Variants in ETV1 observed in about 807,000 individuals in gnomAD.
ETV1 encodes ETS variant transcription factor 1, also known as ETS translocation variant 1.
A neutral mutation model predicts 62.3 loss-of-function variants in ETV1; 27 were observed. The observed-to-expected ratio is 0.43, with a 90% confidence interval of 0.32 to 0.60. The LOEUF (loss-of-function observed/expected upper bound fraction) is 0.60. Among genes scored for constraint, ETV1 ranks in the 20% least tolerant of loss-of-function variants. The pLI, the probability that ETV1 is intolerant of heterozygous loss-of-function variation, is 0.06. For synonymous variants in ETV1, 222 were observed against 199.6 expected, an observed-to-expected ratio of 1.11 and a Z score of -0.94; for missense variants, 605 against 605.8, an observed-to-expected ratio of 1.00 and a Z score of 0.01.
Position 13,931,754 on chromosome 7 carries a change from G to T in ETV1, c.555-5C>A. 1 of 1,612,888 alleles carries T rather than the reference G, an allele frequency of 6.2e-7. No individual in the cohort carries two copies. Among genetic ancestry groups the T allele is most frequent in the South Asian group, 1.1e-5 (1 of 91,052 alleles). ...TCAGAAAGCTGGCGGCGAAATCTAGGGAATAAGAGAGTGTGTTTCAGATGA... is the reference window on the plus strand; with the variant it reads ...TCAGAAAGCTGGCGGCGAAATCTAGTGAATAAGAGAGTGTGTTTCAGATGA... On this transcript the variant is annotated splice_region_variant and splice_polypyrimidine_tract_variant and intron_variant, in intron 8 of 13. Coordinates refer to ENST00000430479, the MANE Select transcript of ETV1 (RefSeq NM_004956.5).
At position 13,931,614 on chromosome 7, in the gene ETV1, C is replaced by G. The variant is rs370376322; in HGVS notation, c.690G>C (p.Glu230Asp). ...IPFPPQGFKQ[E>D]YHDPVYEHNT... ...TGTGTTCATACACTGGGTCGTGGTA[C>G]TCCTGCTTAAAGCCTTGTGGTGGGA... The change falls in exon 9 of 14, where the codon GAG (glutamate) becomes GAC (aspartate). Residue 230 changes from glutamate to aspartate, a missense_variant. Coordinates refer to ENST00000430479, the MANE Select transcript of ETV1 (RefSeq NM_004956.5). The G allele has an allele frequency of 6.2e-7, 1 of 1,614,044 alleles. No individual in the cohort carries two copies. The highest frequency in any genetic ancestry group is 8.5e-7 in the Non-Finnish European group (1 of 1,179,902).
chr7:13,948,886 T>C (rs1428057094), intron 6 of ETV1, among the ~76,000 whole-genome samples: 1 of 152,188 alleles, frequency 6.6e-6, no homozygotes, highest in Non-Finnish European at 1.5e-5. Flanking sequence ...TGGTTTACTC[T>C]GTCTCTCAAA....
chr7:13,932,689 A>C (rs542672578), intron 8 of ETV1, among the ~76,000 whole-genome samples: 1 of 152,328 alleles, frequency 6.6e-6, no homozygotes, highest in African/African-American at 2.4e-5. Context: ...CACCACAAAG[A>C]TGTGGATTAA....
intron 7 of ETV1, 137 bp downstream of exon 7, chr7:13,938,980 G>T: frequency 1.3e-6 from 1 of 793,448 alleles, no homozygotes; most frequent in Non-Finnish European, 2.0e-6. Context: ...TTAGAGTTCT[G>T]CTAAATGCAT....
rs755455527 is a variant in ETV1 at position 13,905,733 on chromosome 7, AT to A, written c.1110+696del. 6.1e-4 allele frequency among the ~76,000 whole-genome samples: 93 copies of A among 152,146 alleles called. 1 individual carries two copies. The highest frequency in any genetic ancestry group is 3.5e-4 in the Non-Finnish European group (24 of 67,994). On this transcript the variant is annotated intron_variant, in intron 12 of 13. Transcript: ENST00000430479. ...TATTATCTCTGTCCAGGCTCTTCTT[AT>A]TTTAGTAATTTTTTATGTGCTATGG...
At chr7:13,918,961 T>C (rs184396060) in intron 9 of ETV1, among the ~76,000 whole-genome samples, 16 of 152,204 alleles carry the variant, frequency 1.1e-4, no homozygotes, top group East Asian at 3.9e-4. Context: ...GTCTCTCTTA[T>C]TTTATCTTAT....
At chr7:13,908,075 A>T (rs1160714479) in intron 11 of ETV1, among the ~76,000 whole-genome samples, 1 of 152,104 alleles carries the variant, frequency 6.6e-6, no homozygotes, top group Non-Finnish European at 1.5e-5. Context: ...TAGTCTCTAT[A>T]TTGCTTCTGC....
chr7:13,967,315 T>C (rs368867934), intron 6 of ETV1, among the ~76,000 whole-genome samples: 51 of 152,198 alleles, frequency 3.4e-4, no homozygotes, highest in African/African-American at 1.2e-3. Context: ...CTCTGAATAG[T>C]TTAATAATGT....
intron 13 of ETV1, 40 bp from the exon 14 acceptor site, chr7:13,896,127 C>T (rs542275630): frequency 5.4e-5 from 83 of 1,535,312 alleles, no homozygotes; most frequent in Non-Finnish European, 7.1e-5. Flanking sequence ...TCCTCACCAT[C>T]GCCAGATGGG....
At chr7:13,910,758 T>C (rs1401797432) in intron 10 of ETV1, among the ~76,000 whole-genome samples, 2 of 152,214 alleles carry the variant, frequency 1.3e-5, no homozygotes, top group Non-Finnish European at 2.9e-5. Context: ...AGCCTGTCTA[T>C]GAGAAAACTC....
chr7:13,951,242 A>G (rs1788788133), intron 6 of ETV1, among the ~76,000 whole-genome samples: 1 of 152,208 alleles, frequency 6.6e-6, no homozygotes, highest in South Asian at 2.1e-4. Context: ...AAAAATAAAT[A>G]TTATAAAACT....
chr7:13,955,229 T>G (rs1470115383), intron 6 of ETV1, among the ~76,000 whole-genome samples: 1 of 152,176 alleles, frequency 6.6e-6, no homozygotes. Context: ...GGAGTTTCCA[T>G]GAGGAACTGC....
chr7:13,971,552 T>C (rs1218065811), intron 6 of ETV1, among the ~76,000 whole-genome samples: 1 of 152,188 alleles, frequency 6.6e-6, no homozygotes, highest in Non-Finnish European at 1.5e-5. Context: ...TGCATTCCAG[T>C]GTGTTTTACT....
chr7:13,899,030 A>G (rs1782128052), intron 13 of ETV1, among the ~76,000 whole-genome samples: 1 of 152,216 alleles, frequency 6.6e-6, no homozygotes, highest in Non-Finnish European at 1.5e-5. Flanking sequence ...GAATATCACC[A>G]TTTACTAGGA....
chr7:13,906,637 T>A, intron 11 of ETV1, 38 bp from the exon 12 acceptor site: 2 of 1,447,494 alleles, frequency 1.4e-6, no homozygotes, highest in Non-Finnish European at 1.9e-6. Context: ...TTATTAGCAA[T>A]ACTATGCTAT....
intron 5 of ETV1, among the ~76,000 whole-genome samples, chr7:13,984,298 G>A (rs982926566): frequency 6.6e-5 from 10 of 151,920 alleles, no homozygotes; most frequent in African/African-American, 2.4e-4. Flanking sequence ...AACGGTTCAT[G>A]GTCTGCCAAT....
rs2128450730 is a variant in ETV1 at position 13,931,689 on chromosome 7, C to T, written c.615G>A (p.Arg205=). 2 of 1,613,716 alleles carry T rather than the reference C, an allele frequency of 1.2e-6. No individual in the cohort carries two copies. Among genetic ancestry groups the T allele is most frequent in the Non-Finnish European group, 1.7e-6 (2 of 1,179,760 alleles). Residue 205 remains arginine, a synonymous_variant, in exon 9 of 14, where the codon AGG becomes AGA. Coordinates refer to ENST00000430479, the MANE Select transcript of ETV1 (RefSeq NM_004956.5). Reference sequence around the variant, plus strand: ...GGCGTTGGTACATAGGACGTCCTTCCCTTGGCATCGTCGGCAAAGGAGGAA... The same window carrying T: ...GGCGTTGGTACATAGGACGTCCTTCTCTTGGCATCGTCGGCAAAGGAGGAA... The part of the protein sequence containing the change: ...NSFPPLPTMP[R]EGRPMYQRQM...
intron 6 of ETV1, among the ~76,000 whole-genome samples, 161 bp from the exon 7 acceptor site, chr7:13,939,407 A>T (rs963779040): frequency 5.8e-4 from 88 of 152,380 alleles, no homozygotes; most frequent in Middle Eastern, 3.4e-3. Context: ...AGAAGATTTC[A>T]GAGAATCTTC....
At chr7:13,897,112 T>C (rs1291989369) in intron 13 of ETV1, among the ~76,000 whole-genome samples, 1 of 151,444 alleles carries the variant, frequency 6.6e-6, no homozygotes, top group East Asian at 1.9e-4. Context: ...ATACGCCTCT[T>C]GTTAATAGAC....
Sources: allele counts gnomAD v4.1 joint callset (sites outside exome capture counted in the v4.1 genomes callset), GRCh38; gene constraint gnomAD v4.1.1; transcripts MANE v1.5; gene names NCBI Gene and HGNC (gene_info 2026-07-23, HGNC 2026-07-21).